Variants in SOD2 observed in about 807,000 individuals in gnomAD.
The protein encoded by SOD2 is superoxide dismutase 2.
Under a neutral mutation model 27.0 loss-of-function variants are expected in SOD2, and 11 were observed. The ratio of observed to expected loss-of-function variants is 0.41; its 90% CI spans 0.26 to 0.67. The LOEUF is 0.67. Among genes scored for constraint, SOD2 ranks in the 30% least tolerant of loss-of-function variants. The pLI is 0.34. For missense variants in SOD2, 250 were observed against 274.5 expected, an observed-to-expected ratio of 0.91 and a Z score of 0.63; for synonymous variants, 105 against 103.0, an observed-to-expected ratio of 1.02 and a Z score of -0.12.
At chr6:159,702,603 A>ACAATTTTTT (rs1436626345) in intron 1 of SOD2, among the ~76,000 whole-genome samples, 1 of 147,298 alleles carries the variant, frequency 6.8e-6, no homozygotes, top group Admixed American at 6.9e-5. Context: ...CAGCCTATAA[A>ACAATTTTTT]CAATTTTTTA....
At chr6:159,698,195 C>T (rs1359563036), upstream of SOD2, among the ~76,000 whole-genome samples, 2 of 152,216 alleles carry the variant, frequency 1.3e-5, no homozygotes, top group Admixed American at 1.3e-4. Context: ...ATCGCTTGAA[C>T]CCGGGAGGCG....
At chr6:159,699,366 C>T (rs1777486272) in intron 1 of SOD2, among the ~76,000 whole-genome samples, 1 of 152,094 alleles carries the variant, frequency 6.6e-6, no homozygotes, top group South Asian at 2.1e-4. Context: ...TCACAATGGC[C>T]CAGCTCATTC....
At chr6:159,702,295 AT>A (rs112350033) in intron 1 of SOD2, among the ~76,000 whole-genome samples, 3,918 of 142,564 alleles carry the variant, frequency 0.027, 140 homozygotes, top group African/African-American at 0.082. Flanking sequence ...TCTGTATAAA[AT>A]TTTTTTTTTT....
intron 1 of SOD2, chr6:159,738,860 C>T: frequency 1.9e-6 from 1 of 524,506 alleles, no homozygotes; most frequent in East Asian, 3.7e-5. Context: ...TAATAAAATA[C>T]TTTTTCAAAA....
chr6:159,701,202 C>T (rs950089463), intron 1 of SOD2, among the ~76,000 whole-genome samples: 9 of 152,122 alleles, frequency 5.9e-5, no homozygotes, highest in Admixed American at 5.2e-4. Flanking sequence ...GAAGGCAAGA[C>T]GCTAGAGAAG....
exon 1 of SOD2, chr6:159,762,099 C>G: frequency 1.2e-6 from 2 of 1,613,336 alleles, no homozygotes; most frequent in Non-Finnish European, 8.5e-7. Context: ...TGAATGCAGG[C>G]TCAGATCCTG....
intron 1 of SOD2, among the ~76,000 whole-genome samples, chr6:159,704,778 T>C (rs369264470): frequency 2.0e-5 from 3 of 152,340 alleles, no homozygotes; most frequent in South Asian, 4.1e-4. Context: ...AAGAGAGCAG[T>C]GGTTCTCCCA....
At position 159,680,647 on chromosome 6, in the gene SOD2, C is replaced by G; in HGVS notation, c.*1846G>C. 1 of 151,848 alleles carries G rather than the reference C, an allele frequency of 6.6e-6. No homozygotes were observed. The highest frequency in any genetic ancestry group is 1.9e-4 in the East Asian group (1 of 5,182). 9.4% of individuals were successfully genotyped at this position (151,848 alleles called of 1,614,324 possible). ...TACTAAATAGGTTTAAGAAAAAAGC[C>G]TATATAGGCCAGGTGCAGTGGCTCA... On this transcript the variant is annotated 3_prime_UTR_variant, in exon 5 of 5. Coordinates refer to ENST00000538183, the MANE Select transcript of SOD2 (RefSeq NM_000636.4).
intron 1 of SOD2, among the ~76,000 whole-genome samples, chr6:159,722,321 C>T (rs1339628462): frequency 6.6e-6 from 1 of 152,176 alleles, no homozygotes; most frequent in Admixed American, 6.5e-5. Flanking sequence ...GAGGTCAAGA[C>T]TGCAGTGAGC....
At chr6:159,716,762 A>C (rs2114832437) in intron 1 of SOD2, among the ~76,000 whole-genome samples, 1 of 152,352 alleles carries the variant, frequency 6.6e-6, no homozygotes, top group East Asian at 1.9e-4. Flanking sequence ...TAAATGTCCT[A>C]AAATGCACAA....
intron 1 of SOD2, among the ~76,000 whole-genome samples, chr6:159,721,674 CCTTT>C (rs1228951369): frequency 2.6e-5 from 3 of 113,538 alleles, no homozygotes; most frequent in African/African-American, 7.0e-5. Flanking sequence ...CTGCGGCTGA[CCTTT>C]TTTTTTTTTT....
At chr6:159,728,103 A>G (rs780862169), upstream of SOD2, among the ~76,000 whole-genome samples, 18 of 152,224 alleles carry the variant, frequency 1.2e-4, no homozygotes, top group Non-Finnish European at 2.4e-4. Context: ...GGAAAAAAAG[A>G]AACATTCGTT....
chr6:159,735,771 A>G (rs1230125327), intron 1 of SOD2, among the ~76,000 whole-genome samples: 1 of 152,036 alleles, frequency 6.6e-6, no homozygotes, highest in Non-Finnish European at 1.5e-5. Flanking sequence ...AATAAAATAT[A>G]TAATATATCT....
rs977227423 is a variant in SOD2 at position 159,677,062 on chromosome 6, C to T, written c.*5431G>A. The T allele has an allele frequency of 2.6e-5, 4 of 152,206 alleles. No homozygotes were observed. Among genetic ancestry groups the T allele is most frequent in the East Asian group, 1.9e-4 (1 of 5,196 alleles). 9.4% of individuals were successfully genotyped at this position (152,206 alleles called of 1,614,324 possible). A position where few individuals can be genotyped will look rare whatever the true frequency, so the allele number is the denominator to read the frequency against. On this transcript the variant is annotated 3_prime_UTR_variant, in exon 5 of 5. Transcript: ENST00000538183. ...ACCCATATTTACAATATGATAAATA[C>T]ATTAAGTCACATTGTTTAATATTTG... is the stretch of plus-strand genomic sequence containing the variant.
chr6:159,746,315 G>A (rs988764574), upstream of SOD2, among the ~76,000 whole-genome samples: 3 of 152,196 alleles, frequency 2.0e-5, no homozygotes, highest in African/African-American at 7.2e-5. Context: ...TGGTTGAAAG[G>A]ATTGGCCCTG....
Position 159,754,879 on chromosome 6 carries a change from C to T in SOD2, c.-336+6158G>A, listed in dbSNP as rs1376978215. 7 of 905,206 alleles carry T rather than the reference C, an allele frequency of 7.7e-6. No homozygotes were observed. In the East Asian group the frequency reaches 1.9e-4, roughly 25 times the overall value. The allele number at this position is 905,206 out of a possible 1,614,324, so 56.1% of individuals were successfully genotyped here. On this transcript the variant is annotated intron_variant, in intron 1 of 7. Transcript: ENST00000546087. ...CAAACTCAGTCATATTTTAAGATTC[C>T]AAGCAAAATTTTTAAATGTAGTGTG...
chr6:159,683,906 A>G (rs1250075192), intron 4 of SOD2, among the ~76,000 whole-genome samples: 1 of 152,230 alleles, frequency 6.6e-6, no homozygotes, highest in African/African-American at 2.4e-5. Flanking sequence ...TGTCAGGGGT[A>G]GAAGAAGGGG....
At chr6:159,755,886 G>C (rs1423641347) in intron 1 of SOD2, 11 of 366,506 alleles carry the variant, frequency 3.0e-5, no homozygotes, top group Non-Finnish European at 3.1e-5. Context: ...ATTTTTATAT[G>C]AGTTAATGTG....
At chr6:159,709,106 A>T (rs897776161) in intron 1 of SOD2, among the ~76,000 whole-genome samples, 6 of 152,348 alleles carry the variant, frequency 3.9e-5, no homozygotes, top group South Asian at 2.1e-4. Context: ...ACCTTATACA[A>T]AAATTAATTC....
Sources: allele counts gnomAD v4.1 joint callset (sites outside exome capture counted in the v4.1 genomes callset), GRCh38; gene constraint gnomAD v4.1.1; transcripts MANE v1.5; gene names NCBI Gene and HGNC (gene_info 2026-07-23, HGNC 2026-07-21).